The following RANBP9 variants were observed in gnomAD, a reference collection of about 807,000 sequenced individuals.
RANBP9 encodes the protein RAN binding protein 9, also known as ran-binding protein 9.
RANBP9 carries 15 observed loss-of-function variants against 84.3 expected under a neutral mutation model. That is an observed-to-expected ratio of 0.18 (90% CI 0.12 to 0.27). The LOEUF (loss-of-function observed/expected upper bound fraction) is 0.27, where lower values mean the gene tolerates loss of function less well. Ranked by LOEUF, RANBP9 falls within the 10% of genes least tolerant of loss-of-function variation. The probability of loss-of-function intolerance (pLI) is 1.00; values close to 1 mark genes in which losing one functional copy is unlikely to be tolerated. For missense variants in RANBP9, 809 were observed against 912.8 expected, an observed-to-expected ratio of 0.89 and a Z score of 1.46; for synonymous variants, 392 against 349.6, an observed-to-expected ratio of 1.12 and a Z score of -1.35.
chr6:13,685,871 C>T (rs1766162547), intron 2 of RANBP9, among the ~76,000 whole-genome samples: 1 of 149,198 alleles, frequency 6.7e-6, no homozygotes, highest in Non-Finnish European at 1.5e-5. Flanking sequence ...GCAGAGATTG[C>T]AGTAAGCCGA....
intron 10 of RANBP9, among the ~76,000 whole-genome samples, chr6:13,636,779 C>G (rs1257765567): frequency 3.9e-5 from 6 of 152,196 alleles, no homozygotes; most frequent in African/African-American, 1.4e-4. Context: ...ATCAATCACA[C>G]ACACTATTAC....
At chr6:13,672,411 A>G (rs1389503159) in intron 2 of RANBP9, among the ~76,000 whole-genome samples, 1 of 152,180 alleles carries the variant, frequency 6.6e-6, no homozygotes, top group Non-Finnish European at 1.5e-5. Flanking sequence ...AAATTACAAG[A>G]AATAGACTTT....
chr6:13,680,628 C>T (rs935833439), intron 2 of RANBP9, among the ~76,000 whole-genome samples: 1 of 151,914 alleles, frequency 6.6e-6, no homozygotes, highest in East Asian at 1.9e-4. Flanking sequence ...TAGTGGTGCG[C>T]ACCTGTACTC....
intron 2 of RANBP9, among the ~76,000 whole-genome samples, chr6:13,682,046 G>A (rs1041396235): frequency 6.6e-6 from 1 of 151,990 alleles, no homozygotes; most frequent in Non-Finnish European, 1.5e-5. Flanking sequence ...ATTTTTAGTA[G>A]AGATGGGGTT....
chr6:13,642,019 A>G, intron 7 of RANBP9, among the ~76,000 whole-genome samples: 1 of 152,218 alleles, frequency 6.6e-6, no homozygotes, highest in Middle Eastern at 3.2e-3. Flanking sequence ...ATTGTTATAC[A>G]GGACCTGTTT....
intron 1 of RANBP9, among the ~76,000 whole-genome samples, chr6:13,702,668 T>A (rs1011045591): frequency 1.3e-5 from 2 of 152,084 alleles, no homozygotes; most frequent in Non-Finnish European, 2.9e-5. Context: ...ATGCTGACAT[T>A]AGAAGCTAAA....
intron 5 of RANBP9, among the ~76,000 whole-genome samples, chr6:13,646,575 GAC>G (rs1474403863): frequency 7.9e-5 from 12 of 152,068 alleles, no homozygotes; most frequent in African/African-American, 2.7e-4. Context: ...TCTAAATAAA[GAC>G]ATTTTTAAAA....
chr6:13,661,140 T>C (rs1335119474), intron 2 of RANBP9, among the ~76,000 whole-genome samples: 1 of 152,256 alleles, frequency 6.6e-6, no homozygotes, highest in Non-Finnish European at 1.5e-5. Context: ...ATATCCCCTG[T>C]TGCCTAAGCT....
At chr6:13,659,257 TACACACACACACACACACAC>T (rs60255234) in intron 2 of RANBP9, among the ~76,000 whole-genome samples, 1 of 130,558 alleles carries the variant, frequency 7.7e-6, no homozygotes, top group Admixed American at 7.4e-5. Context: ...CACACACACA[TACACACACACACACACACAC>T]ACACACACAC....
chr6:13,627,630 CAA>C (rs35401168), intron 12 of RANBP9, among the ~76,000 whole-genome samples: 7 of 66,402 alleles, frequency 1.1e-4, no homozygotes, highest in African/African-American at 1.2e-4. Flanking sequence ...ACTCCATCTC[CAA>C]AAAAAAAAAA....
At chr6:13,700,202 C>T (rs1000269220) in intron 1 of RANBP9, among the ~76,000 whole-genome samples, 6 of 152,194 alleles carry the variant, frequency 3.9e-5, no homozygotes, top group African/African-American at 1.4e-4. Context: ...CTACCCTATT[C>T]CCACTCCCTT....
intron 2 of RANBP9, among the ~76,000 whole-genome samples, chr6:13,666,700 C>T (rs564223778): frequency 2.7e-5 from 4 of 150,414 alleles, no homozygotes; most frequent in African/African-American, 9.8e-5. Flanking sequence ...GAGGTCGAGG[C>T]TGCAGTAAGA....
intron 5 of RANBP9, among the ~76,000 whole-genome samples, chr6:13,647,436 AATAAG>A (rs1202201174): frequency 4.6e-5 from 7 of 152,286 alleles, no homozygotes; most frequent in African/African-American, 1.7e-4. Flanking sequence ...GTAGTAAGTT[AATAAG>A]ATAACATAAA....
At chr6:13,685,165 T>C (rs755335476) in intron 2 of RANBP9, among the ~76,000 whole-genome samples, 1 of 152,218 alleles carries the variant, frequency 6.6e-6, no homozygotes, top group South Asian at 2.1e-4. Flanking sequence ...TCAAGAAATC[T>C]TTCCTACGGA....
chr6:13,710,931 G>C lies in RANBP9; in HGVS notation c.571+4C>G. 3 of 1,602,424 alleles carry C rather than the reference G, an allele frequency of 1.9e-6. No homozygotes were observed. Among genetic ancestry groups the C allele is most frequent in the Non-Finnish European group, 2.6e-6 (3 of 1,175,034 alleles). Reference sequence around the variant, plus strand: ...ACTCCCACCGCAGGACACACGCCCAGTACCTTTGTAGTGCACCCGCAGGTT... The same window carrying C: ...ACTCCCACCGCAGGACACACGCCCACTACCTTTGTAGTGCACCCGCAGGTT... On this transcript the variant is annotated splice_donor_region_variant and intron_variant, in intron 1 of 13. Coordinates refer to ENST00000011619, the MANE Select transcript of RANBP9 (RefSeq NM_005493.3).
intron 2 of RANBP9, among the ~76,000 whole-genome samples, chr6:13,691,625 A>C (rs1161294572): frequency 6.6e-6 from 1 of 152,016 alleles, no homozygotes; most frequent in Non-Finnish European, 1.5e-5. Flanking sequence ...TGGGATAAAC[A>C]CTGTTTAAAA....
chr6:13,695,174 C>T (rs1217617017), intron 2 of RANBP9, among the ~76,000 whole-genome samples: 2 of 152,094 alleles, frequency 1.3e-5, no homozygotes, highest in East Asian at 3.9e-4. Flanking sequence ...TCTCAAAAAA[C>T]GGGTAGAGGC....
In RANBP9 at chr6:13,711,180, G is replaced by A; in HGVS notation, c.326C>T (p.Ala109Val). 7.2e-7 allele frequency: 1 copy of A among 1,386,644 alleles called. No homozygotes were observed. Among genetic ancestry groups the A allele is most frequent in the Non-Finnish European group, 9.3e-7 (1 of 1,074,414 alleles). 85.9% of individuals were successfully genotyped at this position (1,386,644 alleles called of 1,614,324 possible). ...TCCTCCAGCCGGGCCGGGGCCCGCT[G>A]CAAGGCCCGGGGGAGCGGGCGGCCC... ...ASGPPAPPGL[A>V]AGPGPAGGAP... Residue 109 changes from alanine (A) to valine (V), a missense_variant, in exon 1 of 14, where the codon GCA becomes GTA. Physicochemically the swap from Ala to Val is moderately conservative, Grantham distance 64 (BLOSUM62 0). This residue lies in a region of RANBP9 where 302 missense variants were observed against 240.1 expected (regional missense o/e 1.26). Transcript: ENST00000011619.
chr6:13,650,738 A>G (rs1420589570), intron 5 of RANBP9, among the ~76,000 whole-genome samples: 1 of 152,170 alleles, frequency 6.6e-6, no homozygotes, highest in East Asian at 1.9e-4. Flanking sequence ...GACGGAGAAG[A>G]CAGTATCACA....
Sources: gnomAD v4.1 joint callset for allele counts (sites outside exome capture counted in the v4.1 genomes callset) on GRCh38, gnomAD v4.1.1 for gene constraint, gnomAD v4.1.1 regional missense constraint, MANE v1.5 for transcripts, NCBI Gene and HGNC (gene_info 2026-07-23, HGNC 2026-07-21) for gene names.